MEGF11: variants seen among roughly 807,000 people sequenced by gnomAD.
The protein encoded by MEGF11 is multiple epidermal growth factor-like domains protein 11.
A neutral mutation model predicts 146.6 loss-of-function variants in MEGF11; 126 were observed. The observed-to-expected ratio is 0.86, with a 90% CI of 0.74 to 1.00. MEGF11 has a LOEUF of 1.00. MEGF11 is among the 50% of genes least tolerant of loss of function. The pLI is 0.00. For synonymous variants in MEGF11, 532 were observed against 583.4 expected, an observed-to-expected ratio of 0.91 and a Z score of 1.27; for missense variants, 1,509 against 1,521.2, an observed-to-expected ratio of 0.99 and a Z score of 0.13.
intron 5 of MEGF11, among the ~76,000 whole-genome samples, chr15:66,009,713 C>T (rs2082646927): frequency 6.6e-6 from 1 of 151,990 alleles, no homozygotes; most frequent in Non-Finnish European, 1.5e-5. Context: ...CTGCCTCAGC[C>T]TCCCGAGTAG....
At chr15:66,158,781 C>A (rs1198786044) in intron 1 of MEGF11, among the ~76,000 whole-genome samples, 2 of 152,198 alleles carry the variant, frequency 1.3e-5, no homozygotes. Flanking sequence ...CCTTTGGGTA[C>A]CTGAAGCCTC....
chr15:66,136,286 G>C (rs557828880), intron 1 of MEGF11, among the ~76,000 whole-genome samples: 1 of 152,284 alleles, frequency 6.6e-6, no homozygotes, highest in South Asian at 2.1e-4. Context: ...CTTAGTTGCT[G>C]CCCACCTCTC....
chr15:65,897,622 T>G lies in MEGF11; in HGVS notation c.*312A>C, dbSNP rs1422817341. On this transcript the variant is annotated 3_prime_UTR_variant, in exon 26 of 26. Coordinates refer to ENST00000395614, the MANE Select transcript of MEGF11 (RefSeq NM_001385028.1). Reference sequence around the variant, plus strand: ...CTACATGTTTTTAAAATATCACGTTTCAGATAAATATATATATATATATCA... The same window carrying G: ...CTACATGTTTTTAAAATATCACGTTGCAGATAAATATATATATATATATCA... 1.7e-5 allele frequency: 3 copies of G among 176,134 alleles called. No homozygotes were observed. Among genetic ancestry groups the G allele is most frequent in the African/African-American group, 7.0e-5 (3 of 42,588 alleles). 10.9% of individuals were successfully genotyped at this position (176,134 alleles called of 1,614,324 possible). A position where few individuals can be genotyped will look rare whatever the true frequency, so the allele number is the denominator to read the frequency against.
At chr15:65,939,347 C>T (rs532418509) in intron 10 of MEGF11, among the ~76,000 whole-genome samples, 87 of 152,306 alleles carry the variant, frequency 5.7e-4, no homozygotes, top group African/African-American at 2.0e-3. Context: ...GAGGCAAAAG[C>T]ACTAGCCCAA....
intron 5 of MEGF11, among the ~76,000 whole-genome samples, chr15:66,084,509 G>T (rs2086019737): frequency 6.6e-6 from 1 of 152,192 alleles, no homozygotes; most frequent in South Asian, 2.1e-4. Flanking sequence ...AAGTGGGAAA[G>T]GGAGACCCTC....
intron 4 of MEGF11, among the ~76,000 whole-genome samples, chr15:66,099,204 C>CTTTTTTTTTT (rs10683767): frequency 6.6e-4 from 70 of 105,860 alleles, no homozygotes; most frequent in East Asian, 1.1e-3. Context: ...CCTCCTTTTT[C>CTTTTTTTTTT]TTTTTTTTTT....
intron 24 of MEGF11, 117 bp downstream of exon 24, chr15:65,905,968 T>C: frequency 2.5e-6 from 2 of 784,530 alleles, no homozygotes; most frequent in Non-Finnish European, 4.1e-6. Flanking sequence ...TCTTTTAACC[T>C]TCTGTGGGGG....
intron 1 of MEGF11, among the ~76,000 whole-genome samples, chr15:66,228,625 C>T (rs879672231): frequency 1.8e-4 from 27 of 152,324 alleles, no homozygotes; most frequent in Admixed American, 5.2e-4. Flanking sequence ...CATCCCCACA[C>T]GACAGAACCA....
At chr15:65,992,655 G>A (rs979196202) in intron 5 of MEGF11, among the ~76,000 whole-genome samples, 2 of 143,462 alleles carry the variant, frequency 1.4e-5, no homozygotes, top group African/African-American at 5.2e-5. Flanking sequence ...GGACTTTATC[G>A]GGGACTTTTT....
At position 66,108,630 on chromosome 15, in the gene MEGF11, G is replaced by A. The variant is rs528312825; in HGVS notation, c.301+10456C>T. 1.1e-3 allele frequency among the ~76,000 whole-genome samples: 167 copies of A among 152,276 alleles called. 1 individual carries two copies. The highest frequency in any genetic ancestry group is 3.4e-3 in the African/African-American group (142 of 41,550). On this transcript the variant is annotated intron_variant, in intron 4 of 25. Transcript: ENST00000395614. ...CATCTGGTGCCGTGTGGCTATCTGG[G>A]GAAGAGCATTCCGGGCAGAGGGAAC...
intron 1 of MEGF11, among the ~76,000 whole-genome samples, chr15:66,185,281 C>A (rs1409910037): frequency 1.3e-5 from 2 of 152,196 alleles, no homozygotes; most frequent in African/African-American, 4.8e-5. Flanking sequence ...CAGAGAAGAC[C>A]CACAACCCGC....
Position 65,896,684 on chromosome 15 carries a change from G to A in MEGF11, c.*1250C>T, listed in dbSNP as rs1017233786. On this transcript the variant is annotated 3_prime_UTR_variant, in exon 26 of 26. Transcript: ENST00000395614. ...AGTTTATCTGTGTTCATAGTGGAAG[G>A]TATAGACACATCTGAATACTGGGAT... 6.6e-6 allele frequency: 1 copy of A among 152,222 alleles called. No individual in the cohort carries two copies. Among genetic ancestry groups the A allele is most frequent in the African/African-American group, 2.4e-5 (1 of 41,422 alleles). 9.4% of individuals were successfully genotyped at this position (152,222 alleles called of 1,614,324 possible).
chr15:66,079,546 C>G lies in MEGF11; in HGVS notation c.394+14856G>C, dbSNP rs558694250. 2.4e-4 allele frequency among the ~76,000 whole-genome samples: 36 copies of G among 150,178 alleles called. 1 individual carries two copies. Among genetic ancestry groups the G allele is most frequent in the South Asian group, 4.3e-4 (2 of 4,620 alleles). Reference sequence around the variant, plus strand: ...GGGAACCTTCATTCACACCCCCCCCCCCAGCACCCCCGCCAAAACTCAGGG... The same window carrying G: ...GGGAACCTTCATTCACACCCCCCCCGCCAGCACCCCCGCCAAAACTCAGGG... On this transcript the variant is annotated intron_variant, in intron 5 of 25. Coordinates refer to ENST00000395614, the MANE Select transcript of MEGF11 (RefSeq NM_001385028.1).
intron 8 of MEGF11, among the ~76,000 whole-genome samples, chr15:65,965,881 C>T (rs2081077106): frequency 6.6e-6 from 1 of 152,132 alleles, no homozygotes; most frequent in Non-Finnish European, 1.5e-5. Context: ...AGTTCAGTGG[C>T]ATTAAGCACA....
Position 66,128,326 on chromosome 15 carries a change from G to T in MEGF11, c.78C>A (p.Asn26Lys). Residue 26 changes from asparagine (N) to lysine (K), a missense_variant, in exon 2 of 26, where the codon AAC (asparagine) becomes AAA (lysine). Asn to Lys is a moderately conservative substitution (Grantham distance 94). Coordinates refer to ENST00000395614, the MANE Select transcript of MEGF11 (RefSeq NM_001385028.1). ...ATLALNPEDP[N>K]VCSHWESYAV... ...CTTACCTCTCCCAGTGGCTGCACAC[G>T]TTGGGGTCCTCGGGGTTCAGGGCAA... The T allele has an allele frequency of 6.6e-7, 1 of 1,522,686 alleles. No homozygotes were observed. The allele number at this position is 1,522,686 out of a possible 1,614,324, so 94.3% of individuals were successfully genotyped here. A position where few individuals can be genotyped will look rare whatever the true frequency, so the allele number is the denominator to read the frequency against.
At chr15:65,998,381 C>A (rs1371217580) in intron 5 of MEGF11, among the ~76,000 whole-genome samples, 1 of 152,128 alleles carries the variant, frequency 6.6e-6, no homozygotes, top group African/African-American at 2.4e-5. Context: ...AAAGACACAG[C>A]CAGGGAGGAG....
intron 4 of MEGF11, among the ~76,000 whole-genome samples, chr15:66,100,326 GA>G (rs2086737724): frequency 6.6e-6 from 1 of 152,188 alleles, no homozygotes; most frequent in Non-Finnish European, 1.5e-5. Flanking sequence ...TTCCCCTAAA[GA>G]GCAGGGGCCT....
intron 5 of MEGF11, among the ~76,000 whole-genome samples, chr15:66,029,732 G>C (rs1235039779): frequency 6.6e-6 from 1 of 151,958 alleles, no homozygotes; most frequent in Admixed American, 6.6e-5. Flanking sequence ...GGGGACCTCT[G>C]TGCCTTCCTC....
intron 1 of MEGF11, among the ~76,000 whole-genome samples, chr15:66,253,074 TG>T (rs2092398182): frequency 6.6e-6 from 1 of 152,226 alleles, no homozygotes; most frequent in Admixed American, 6.5e-5. Flanking sequence ...TGGCACTTGC[TG>T]GGGCTTAGCG....
Sources: gnomAD v4.1 joint callset for allele counts (sites outside exome capture counted in the v4.1 genomes callset) on GRCh38, gnomAD v4.1.1 for gene constraint, MANE v1.5 for transcripts, NCBI Gene and HGNC (gene_info 2026-07-23, HGNC 2026-07-21) for gene names.